The following KIF26B variants were observed in gnomAD, a reference collection of about 807,000 sequenced individuals.
KIF26B encodes kinesin family member 26B, also known as kinesin-like protein KIF26B.
In KIF26B, 63 loss-of-function variants were observed where a neutral mutation model predicts 151.2. The observed-to-expected ratio is 0.42, with a 90% CI of 0.34 to 0.51. KIF26B has a LOEUF of 0.51. KIF26B is among the 20% of genes least tolerant of loss of function. KIF26B has a pLI of 0.07. For synonymous variants in KIF26B, 1,357 were observed against 1,262.1 expected (o/e 1.08, Z -1.59); for missense variants, 2,813 against 2,913.6 (o/e 0.97, Z 0.79).
chr1:245,698,943 C>G lies in KIF26B; in HGVS notation c.6084C>G (p.Ile2028Met). The change falls in exon 14 of 15, where the codon ATC (isoleucine) becomes ATG (methionine). Residue 2028 changes from isoleucine (I) to methionine (M), a missense_variant. By Grantham distance (10) the Ile-to-Met change is conservative (BLOSUM62 1). Around this residue, in one of 3 missense-constraint regions of KIF26B, gnomAD observed 2,060 missense variants for 2,088.6 expected, o/e 0.99. Coordinates refer to ENST00000407071, the MANE Select transcript of KIF26B (RefSeq NM_018012.4). The surrounding 1 kb of genome is among the most constrained non-coding windows in gnomAD (Gnocchi z 4.0). ...TTCTGGAACACCGCCAGCAGAGGATCGCCGAGGTCCGCGCGAAGTACGAGT... is the reference window on the plus strand; with the variant it reads ...TTCTGGAACACCGCCAGCAGAGGATGGCCGAGGTCCGCGCGAAGTACGAGT... ...LKILEHRQQR[I>M]AEVRAKYEWL... 1 of 1,614,008 alleles carries G rather than the reference C, an allele frequency of 6.2e-7. No homozygotes were observed. The highest frequency in any genetic ancestry group is 8.5e-7 in the Non-Finnish European group (1 of 1,179,892).
At chr1:245,511,182 A>AT (rs139431248) in intron 4 of KIF26B, 13,981 of 589,468 alleles carry the variant, frequency 0.024, 591 homozygotes, top group African/African-American at 0.16. Context: ...TTTTCTTGCT[A>AT]TTTTTTTTTT....
At chr1:245,395,013 G>A (rs984792230) in intron 3 of KIF26B, among the ~76,000 whole-genome samples, 10 of 152,130 alleles carry the variant, frequency 6.6e-5, no homozygotes, top group Non-Finnish European at 1.2e-4. Context: ...CTTAGTAGGT[G>A]AAATTACTGA....
At chr1:245,262,989 A>T (rs1670675630) in intron 2 of KIF26B, among the ~76,000 whole-genome samples, 1 of 152,226 alleles carries the variant, frequency 6.6e-6, no homozygotes, top group African/African-American at 2.4e-5. Context: ...GGCACATAAG[A>T]AAAATTCTGT....
chr1:245,175,483 A>G lies in KIF26B; in HGVS notation c.465+18800A>G, dbSNP rs1668787925. On this transcript the variant is annotated intron_variant, in intron 2 of 14. Transcript: ENST00000407071. ...AGAACAGGGAACTTGGAAGAGGCAA[A>G]GTAAACAGGCATGGTTGCCTGTTTA... Among the ~76,000 whole-genome samples the G allele has an allele frequency of 6.6e-5, 10 of 152,286 alleles. No individual in the cohort carries two copies. The South Asian group carries it at 1.9e-3, about 28-fold the overall frequency.
At chr1:245,249,391 G>A (rs887020946) in intron 2 of KIF26B, among the ~76,000 whole-genome samples, 2 of 152,042 alleles carry the variant, frequency 1.3e-5, no homozygotes, top group East Asian at 1.9e-4. Flanking sequence ...GAGGCACCGC[G>A]CCCAGCCACA....
chr1:245,275,480 T>C (rs575879021), intron 2 of KIF26B, among the ~76,000 whole-genome samples: 7 of 152,308 alleles, frequency 4.6e-5, no homozygotes, highest in African/African-American at 1.4e-4. Flanking sequence ...TTTAAGTCTT[T>C]AATCCATCTT....
intron 1 of KIF26B, among the ~76,000 whole-genome samples, chr1:245,155,903 C>G (rs1212185826): frequency 6.9e-6 from 1 of 145,550 alleles, no homozygotes; most frequent in Non-Finnish European, 1.5e-5. Context: ...CCTCCCCCTA[C>G]CCCCCCCATA....
intron 5 of KIF26B, among the ~76,000 whole-genome samples, chr1:245,581,244 A>G (rs762537897): frequency 2.6e-5 from 4 of 152,218 alleles, no homozygotes; most frequent in Non-Finnish European, 5.9e-5. Flanking sequence ...AGAGACCTAC[A>G]ACAGTTGGTA....
intron 2 of KIF26B, among the ~76,000 whole-genome samples, chr1:245,208,311 AC>A (rs1669446384): frequency 6.6e-6 from 1 of 152,240 alleles, no homozygotes. Context: ...CAGCCAATTC[AC>A]CGGAGTTCAT....
chr1:245,279,469 G>A lies in KIF26B; in HGVS notation c.466-87365G>A, dbSNP rs915470800. Reference sequence around the variant, plus strand: ...ACTACAGACATGCACTATCACACGGGGCTAATTTTGTAAATTTTTTGTAGA... The same window carrying A: ...ACTACAGACATGCACTATCACACGGAGCTAATTTTGTAAATTTTTTGTAGA... On this transcript the variant is annotated intron_variant, in intron 2 of 14. Transcript: ENST00000407071. Among the ~76,000 whole-genome samples the A allele has an allele frequency of 9.2e-5, 14 of 151,728 alleles. 1 individual carries two copies. In the East Asian group the frequency reaches 9.8e-4, roughly 11 times the overall value.
chr1:245,332,105 G>A (rs963759630), intron 2 of KIF26B, among the ~76,000 whole-genome samples: 4 of 152,036 alleles, frequency 2.6e-5, no homozygotes, highest in Admixed American at 1.3e-4. Flanking sequence ...CAGCTGGGGC[G>A]ACAGAACAAG....
intron 2 of KIF26B, among the ~76,000 whole-genome samples, chr1:245,311,042 A>G (rs1486330015): frequency 1.3e-5 from 2 of 152,110 alleles, no homozygotes; most frequent in Non-Finnish European, 2.9e-5. Context: ...TTCTATCAGG[A>G]GTCTGTGTCA....
intron 10 of KIF26B, among the ~76,000 whole-genome samples, chr1:245,656,495 CCAT>C (rs1193448947): frequency 6.6e-6 from 1 of 152,174 alleles, no homozygotes; most frequent in Non-Finnish European, 1.5e-5. Context: ...TGACGACTAA[CCAT>C]CATATCACAA....
At chr1:245,395,411 GGTA>G (rs1673810171) in intron 3 of KIF26B, among the ~76,000 whole-genome samples, 1 of 152,174 alleles carries the variant, frequency 6.6e-6, no homozygotes. Context: ...CAAGTTAGGT[GGTA>G]GTAGTGGAGG....
In KIF26B at chr1:245,707,437, G is replaced by A. The variant is rs1263234602; in HGVS notation, c.*4831G>A. ...GCTAACAGCCCACATTGTAATATTT[G>A]ATTTATGAAGAAGTTCTAATTTATT... is the stretch of plus-strand genomic sequence containing the variant. On this transcript the variant is annotated 3_prime_UTR_variant, in exon 15 of 15. Transcript: ENST00000407071. 1 of 152,176 alleles carries A rather than the reference G, an allele frequency of 6.6e-6. No homozygotes were observed. Among genetic ancestry groups the A allele is most frequent in the Non-Finnish European group, 1.5e-5 (1 of 68,032 alleles). The allele number at this position is 152,176 out of a possible 1,614,324, so 9.4% of individuals were successfully genotyped here.
rs2044791558 is a variant in KIF26B at position 245,702,894 on chromosome 1, A to G, written c.*288A>G. 2.9e-6 allele frequency: 1 copy of G among 348,316 alleles called. No homozygotes were observed. The highest frequency in any genetic ancestry group is 5.2e-6 in the Non-Finnish European group (1 of 193,830). 21.6% of individuals were successfully genotyped at this position (348,316 alleles called of 1,614,324 possible). ...GGAACCTTAAAGACCTTGTTTGTACATAAGAACTGCTAGCAAAAGAGACCT... is the reference window on the plus strand; with the variant it reads ...GGAACCTTAAAGACCTTGTTTGTACGTAAGAACTGCTAGCAAAAGAGACCT... On this transcript the variant is annotated 3_prime_UTR_variant, in exon 15 of 15. Coordinates refer to ENST00000407071, the MANE Select transcript of KIF26B (RefSeq NM_018012.4). The surrounding 1 kb of genome is among the most constrained non-coding windows in gnomAD (Gnocchi z 4.1).
intron 5 of KIF26B, among the ~76,000 whole-genome samples, chr1:245,574,363 C>T (rs1004058470): frequency 2.6e-5 from 4 of 152,112 alleles, no homozygotes; most frequent in Non-Finnish European, 4.4e-5. Context: ...AGACTGGTCT[C>T]GAACTCCTGA....
intron 2 of KIF26B, among the ~76,000 whole-genome samples, chr1:245,232,947 C>G (rs1670028827): frequency 6.6e-6 from 1 of 152,190 alleles, no homozygotes; most frequent in Admixed American, 6.5e-5. Context: ...CAGAATTCTA[C>G]TCAACGTAGC....
At chr1:245,280,597 G>GTTTT (rs74163033) in intron 2 of KIF26B, among the ~76,000 whole-genome samples, 3 of 104,492 alleles carry the variant, frequency 2.9e-5, no homozygotes, top group African/African-American at 1.1e-4. Flanking sequence ...GGAAGTTTTC[G>GTTTT]TTTTTTTTTT....
Sources: gnomAD v4.1 joint callset for allele counts (sites outside exome capture counted in the v4.1 genomes callset) on GRCh38, gnomAD v4.1.1 for gene constraint, gnomAD v4.1.1 regional missense constraint, Gnocchi (gnomAD v3.1) non-coding constraint, MANE v1.5 for transcripts, NCBI Gene and HGNC (gene_info 2026-07-23, HGNC 2026-07-21) for gene names.